The following PEBP4 variants were observed in gnomAD, a reference collection of about 807,000 sequenced individuals.
PEBP4 encodes the protein phosphatidylethanolamine-binding protein 4.
Under a neutral mutation model 23.9 loss-of-function variants are expected in PEBP4, and 22 were observed. The ratio of observed to expected loss-of-function variants is 0.92; its 90% CI spans 0.66 to 1.31. The LOEUF (loss-of-function observed/expected upper bound fraction) is 1.31. Among genes scored for constraint, PEBP4 ranks in the 40% most tolerant of loss-of-function variants. The pLI is 0.00. For synonymous variants in PEBP4, 112 were observed against 99.3 expected (o/e 1.13, Z -0.76); for missense variants, 324 against 281.7 (o/e 1.15, Z -1.07).
At chr8:22,748,077 C>T (rs1244983735) in intron 4 of PEBP4, among the ~76,000 whole-genome samples, 1 of 152,204 alleles carries the variant, frequency 6.6e-6, no homozygotes, top group Non-Finnish European at 1.5e-5. Context: ...CACATCCACA[C>T]GCATGTGCAC....
At chr8:22,918,065 C>T (rs1809115728) in intron 3 of PEBP4, among the ~76,000 whole-genome samples, 1 of 152,140 alleles carries the variant, frequency 6.6e-6, no homozygotes, top group South Asian at 2.1e-4. Context: ...TTTGAGTTGA[C>T]TTTTTGTCAC....
rs55933014 is a variant in PEBP4, at chr8:22,826,793, G to A, written c.259-9058C>T. 1.6e-3 allele frequency among the ~76,000 whole-genome samples: 242 copies of A among 152,286 alleles called. 1 individual carries two copies. Among genetic ancestry groups the A allele is most frequent in the Non-Finnish European group, 2.2e-3 (151 of 68,016 alleles). The stretch of plus-strand genomic sequence containing the variant: ...GGCTGTGGGTGGTGGTATTGATATG[G>A]GTAGATGAGATAGAGACATCTATAT... On this transcript the variant is annotated intron_variant, in intron 3 of 6. Transcript: ENST00000256404.
At chr8:22,820,658 G>A (rs1322711247) in intron 3 of PEBP4, among the ~76,000 whole-genome samples, 1 of 152,186 alleles carries the variant, frequency 6.6e-6, no homozygotes, top group Non-Finnish European at 1.5e-5. Context: ...GGCAGGTAAA[G>A]TATCAGTAAA....
intron 6 of PEBP4, 112 bp from the exon 7 acceptor site, chr8:22,713,648 C>T (rs1804355164): frequency 7.5e-6 from 11 of 1,458,784 alleles, no homozygotes; most frequent in Admixed American, 3.8e-5. Flanking sequence ...GCAGGTGATG[C>T]GATGGCCATG....
chr8:22,920,402 A>C, intron 2 of PEBP4, 92 bp from the exon 3 acceptor site: 1 of 1,396,158 alleles, frequency 7.2e-7, no homozygotes, highest in Non-Finnish European at 9.7e-7. Flanking sequence ...GGGAATGTAA[A>C]GTGAAATGGG....
At chr8:22,839,803 G>C (rs1168739460) in intron 3 of PEBP4, among the ~76,000 whole-genome samples, 2 of 152,160 alleles carry the variant, frequency 1.3e-5, no homozygotes, top group Non-Finnish European at 2.9e-5. Flanking sequence ...TTCCACGTGA[G>C]GGGCCCATCT....
chr8:22,833,547 G>A (rs996375323), intron 3 of PEBP4, among the ~76,000 whole-genome samples: 3 of 152,276 alleles, frequency 2.0e-5, no homozygotes, highest in African/African-American at 4.8e-5. Context: ...GGCCAGGCTA[G>A]CCTCGAACTC....
chr8:22,931,127 T>C (rs1809449696), upstream of PEBP4, among the ~76,000 whole-genome samples: 1 of 152,138 alleles, frequency 6.6e-6, no homozygotes, highest in Non-Finnish European at 1.5e-5. Flanking sequence ...CACAGACTCT[T>C]GTTATTTCTC....
intron 1 of PEBP4, among the ~76,000 whole-genome samples, chr8:22,936,980 C>T (rs1265231083): frequency 6.6e-6 from 1 of 152,146 alleles, no homozygotes; most frequent in African/African-American, 2.4e-5. Context: ...AAAAAGCCCA[C>T]AGATAACAAC....
intron 4 of PEBP4, among the ~76,000 whole-genome samples, chr8:22,767,743 T>C (rs138621963): frequency 2.4e-4 from 37 of 152,284 alleles, no homozygotes; most frequent in African/African-American, 7.0e-4. Flanking sequence ...TTGATGTATG[T>C]ACTTGTAACT....
chr8:22,858,550 C>G (rs1382567259), intron 3 of PEBP4, among the ~76,000 whole-genome samples: 1 of 152,180 alleles, frequency 6.6e-6, no homozygotes, highest in African/African-American at 2.4e-5. Flanking sequence ...CATTCATTTT[C>G]TCAATATTCT....
At chr8:22,875,935 A>T (rs555897132) in intron 3 of PEBP4, among the ~76,000 whole-genome samples, 75 of 151,026 alleles carry the variant, frequency 5.0e-4, no homozygotes, top group African/African-American at 1.8e-3. Context: ...TCTGAGGCAG[A>T]CTCTCACTCT....
At chr8:22,740,583 G>T (rs970067524) in intron 4 of PEBP4, among the ~76,000 whole-genome samples, 66 of 152,298 alleles carry the variant, frequency 4.3e-4, no homozygotes, top group African/African-American at 1.5e-3. Flanking sequence ...GGGTCTCTGG[G>T]CCAGGGAAGG....
At chr8:22,927,121 A>C (rs1809354935) in intron 2 of PEBP4, among the ~76,000 whole-genome samples, 1 of 152,194 alleles carries the variant, frequency 6.6e-6, no homozygotes, top group Non-Finnish European at 1.5e-5. Context: ...AGGGCCCTGC[A>C]CAAACGCTCC....
chr8:22,939,309 G>A (rs76808057), intron 1 of PEBP4, among the ~76,000 whole-genome samples: 2,935 of 152,154 alleles, frequency 0.019, 105 homozygotes, highest in African/African-American at 0.067. Context: ...AAAACTGAGA[G>A]AAGATTTTGC....
At chr8:22,788,101 G>A (rs990385097) in intron 4 of PEBP4, among the ~76,000 whole-genome samples, 1 of 152,058 alleles carries the variant, frequency 6.6e-6, no homozygotes, top group Admixed American at 6.5e-5. Flanking sequence ...GGGGATGCTG[G>A]GAGAACCAGG....
Position 22,865,004 on chromosome 8 carries a change from C to A in PEBP4, c.259-47269G>T, listed in dbSNP as rs1334046715. ...GTGCGGGGCGGGCAGCACGAGGGGG[C>A]AGGTGTGACCGTGAGAGAGGGAGGC... On this transcript the variant is annotated intron_variant, in intron 3 of 6. Coordinates refer to ENST00000256404, the MANE Select transcript of PEBP4 (RefSeq NM_144962.3). The surrounding 1 kb of genome is among the most constrained non-coding windows in gnomAD (Gnocchi z 6.9). 6.6e-6 allele frequency among the ~76,000 whole-genome samples: 1 copy of A among 152,088 alleles called. No homozygotes were observed. Among genetic ancestry groups the A allele is most frequent in the Non-Finnish European group, 1.5e-5 (1 of 68,006 alleles).
At chr8:22,860,170 A>ATATATATACATATATATATGTG (rs1807740208) in intron 3 of PEBP4, among the ~76,000 whole-genome samples, 1 of 100,274 alleles carries the variant, frequency 1.0e-5, no homozygotes, top group African/African-American at 3.6e-5. Context: ...ATATATATGT[A>ATATATATACATATATATATGTG]TATATATATA....
chr8:22,851,801 C>T (rs184195971), intron 3 of PEBP4, among the ~76,000 whole-genome samples: 4 of 152,010 alleles, frequency 2.6e-5, no homozygotes, highest in African/African-American at 4.8e-5. Context: ...AATCTCGGTG[C>T]AAAGAGACAG....
Sources: gnomAD v4.1 joint callset for allele counts (sites outside exome capture counted in the v4.1 genomes callset) on GRCh38, gnomAD v4.1.1 for gene constraint, Gnocchi (gnomAD v3.1) non-coding constraint, MANE v1.5 for transcripts, NCBI Gene and HGNC (gene_info 2026-07-23, HGNC 2026-07-21) for gene names.